Variants in RSU1 observed in about 807,000 individuals in gnomAD.
RSU1 encodes the protein rsu-1.
Under a neutral mutation model 31.1 loss-of-function variants are expected in RSU1, and 26 were observed. That is an observed-to-expected ratio of 0.84 (90% CI 0.61 to 1.16). The LOEUF is 1.16. RSU1 is among the 50% of genes most tolerant of loss of function. The probability of loss-of-function intolerance (pLI) is 0.00; values close to 1 mark genes in which losing one functional copy is unlikely to be tolerated. For synonymous variants in RSU1, 164 were observed against 136.3 expected (o/e 1.20, Z -1.41); for missense variants, 320 against 339.1 (o/e 0.94, Z 0.44).
At chr10:16,723,177 G>A (rs1232804001) in intron 7 of RSU1, 5 of 152,006 alleles carry the variant, frequency 3.3e-5, no homozygotes, top group Non-Finnish European at 7.4e-5. Context: ...ATTCTTATGA[G>A]TGTTTTCAAC....
chr10:16,749,806 G>A (rs1008863417), intron 7 of RSU1, among the ~76,000 whole-genome samples: 5 of 152,300 alleles, frequency 3.3e-5, no homozygotes, highest in African/African-American at 1.2e-4. Context: ...TCACCATCCA[G>A]CAACATCTCT....
chr10:16,722,920 G>A (rs1359697561), intron 7 of RSU1, among the ~76,000 whole-genome samples: 3 of 145,726 alleles, frequency 2.1e-5, no homozygotes, highest in Admixed American at 6.9e-5. Flanking sequence ...ATACATATAT[G>A]TATATATACA....
chr10:16,683,598 T>C (rs1320090109), intron 8 of RSU1, among the ~76,000 whole-genome samples: 4 of 152,220 alleles, frequency 2.6e-5, no homozygotes, highest in Admixed American at 6.5e-5. Context: ...CCAAATACTT[T>C]TTTGTTGAAG....
intron 8 of RSU1, among the ~76,000 whole-genome samples, chr10:16,672,715 T>C (rs1024281872): frequency 6.6e-6 from 1 of 151,786 alleles, no homozygotes; most frequent in Non-Finnish European, 1.5e-5. Flanking sequence ...TGCCTGGGGA[T>C]GGGGGAAATG....
intron 4 of RSU1, among the ~76,000 whole-genome samples, chr10:16,762,821 T>C (rs7907419): frequency 0.15 from 22,896 of 152,070 alleles, 1,836 homozygotes; most frequent in Middle Eastern, 0.22. Flanking sequence ...GAGACCATCC[T>C]GGCCAACATG....
intron 8 of RSU1, among the ~76,000 whole-genome samples, chr10:16,655,361 T>G (rs1374900021): frequency 6.6e-6 from 1 of 152,142 alleles, no homozygotes; most frequent in Admixed American, 6.5e-5. Flanking sequence ...AGGCTCCAGG[T>G]CAAAGCTGGG....
chr10:16,608,646 C>G (rs1833843332), intron 8 of RSU1, among the ~76,000 whole-genome samples: 1 of 151,952 alleles, frequency 6.6e-6, no homozygotes, highest in Non-Finnish European at 1.5e-5. Flanking sequence ...AAGTGAACAC[C>G]TGGCAATGGG....
At chr10:16,708,580 T>C (rs551641170) in intron 7 of RSU1, among the ~76,000 whole-genome samples, 1 of 152,290 alleles carries the variant, frequency 6.6e-6, no homozygotes, top group African/African-American at 2.4e-5. Flanking sequence ...TGTGGTTCCA[T>C]ATGAATTTTA....
At chr10:16,689,824 AAGAC>A (rs1438811746) in intron 8 of RSU1, among the ~76,000 whole-genome samples, 2 of 152,228 alleles carry the variant, frequency 1.3e-5, no homozygotes, top group Non-Finnish European at 2.9e-5. Context: ...AAAGGTGAAA[AAGAC>A]AGGCAGAATG....
chr10:16,792,786 T>C (rs544937943), intron 2 of RSU1, among the ~76,000 whole-genome samples: 4 of 152,308 alleles, frequency 2.6e-5, no homozygotes, highest in Admixed American at 6.5e-5. Flanking sequence ...ACGGTGTAAA[T>C]GGCTTTTCCA....
intron 8 of RSU1, among the ~76,000 whole-genome samples, chr10:16,606,246 G>T (rs1312951356): frequency 6.6e-6 from 1 of 152,130 alleles, no homozygotes; most frequent in Non-Finnish European, 1.5e-5. Context: ...ATGTTGATAA[G>T]AACTAGTTGA....
chr10:16,814,589 C>T (rs1281960491), intron 2 of RSU1, among the ~76,000 whole-genome samples: 2 of 151,992 alleles, frequency 1.3e-5, no homozygotes, highest in Admixed American at 6.6e-5. Flanking sequence ...GTGGAGGCTT[C>T]GAAGAGCATC....
At chr10:16,735,316 G>T (rs111318207) in intron 7 of RSU1, among the ~76,000 whole-genome samples, 1 of 152,150 alleles carries the variant, frequency 6.6e-6, no homozygotes, top group Admixed American at 6.5e-5. Flanking sequence ...TCCTAATACC[G>T]CTATGTCTGC....
At chr10:16,783,092 T>C (rs1357467496) in intron 2 of RSU1, among the ~76,000 whole-genome samples, 1 of 151,880 alleles carries the variant, frequency 6.6e-6, no homozygotes, top group Non-Finnish European at 1.5e-5. Context: ...GTATTTTTTG[T>C]AGAGATGTGG....
chr10:16,607,299 G>A lies in RSU1; in HGVS notation c.732-13803C>T, dbSNP rs563316433. Among the ~76,000 whole-genome samples the A allele has an allele frequency of 3.3e-5, 5 of 152,246 alleles. No homozygotes were observed. In the South Asian group the frequency reaches 8.3e-4, roughly 25 times the overall value. ...CTTCCTGTACCTCCTGCAGAACCAT[G>A]AGCCAGTTAAACCTCTTCTATATAA... On this transcript the variant is annotated intron_variant, in intron 8 of 8. Transcript: ENST00000345264.
intron 8 of RSU1, among the ~76,000 whole-genome samples, chr10:16,689,715 C>A (rs2131557299): frequency 6.6e-6 from 1 of 152,178 alleles, no homozygotes; most frequent in African/African-American, 2.4e-5. Context: ...TTTTTGTTAA[C>A]TAATATGAAT....
intron 8 of RSU1, among the ~76,000 whole-genome samples, chr10:16,667,029 A>AAAC (rs56748832): frequency 0.25 from 38,359 of 150,932 alleles, 5,420 homozygotes; most frequent in South Asian, 0.37. Flanking sequence ...AAAGCAAAAC[A>AAAC]AACAACAACA....
chr10:16,653,503 G>A (rs181451900), intron 8 of RSU1, among the ~76,000 whole-genome samples: 1 of 152,250 alleles, frequency 6.6e-6, no homozygotes, highest in East Asian at 1.9e-4. Context: ...GCCGGGATGT[G>A]CTTTGACTGA....
chr10:16,616,325 C>T (rs1564287118), intron 8 of RSU1, among the ~76,000 whole-genome samples: 1 of 121,582 alleles, frequency 8.2e-6, no homozygotes, highest in African/African-American at 2.9e-5. Context: ...CTGAAGAGAC[C>T]AATAACAAAT....
Sources: gnomAD v4.1 joint callset for allele counts (sites outside exome capture counted in the v4.1 genomes callset) on GRCh38, gnomAD v4.1.1 for gene constraint, MANE v1.5 for transcripts, NCBI Gene and HGNC (gene_info 2026-07-23, HGNC 2026-07-21) for gene names.